Variants in MYCBP2 observed in about 807,000 individuals in gnomAD.
MYCBP2 encodes the protein E3 ubiquitin-protein ligase MYCBP2.
Under a neutral mutation model 525.3 loss-of-function variants are expected in MYCBP2, and 120 were observed. The ratio of observed to expected loss-of-function variants is 0.23; its 90% CI spans 0.20 to 0.27. MYCBP2 has a LOEUF of 0.27. Ranked by LOEUF, MYCBP2 falls within the 10% of genes least tolerant of loss-of-function variation. The pLI is 1.00. For missense variants in MYCBP2, 4,149 were observed against 5,657.1 expected, an observed-to-expected ratio of 0.73 and a Z score of 8.55; for synonymous variants, 1,894 against 1,955.8, an observed-to-expected ratio of 0.97 and a Z score of 0.83.
At chr13:77,082,425 G>A (rs896858248) in intron 63 of MYCBP2, among the ~76,000 whole-genome samples, 4 of 152,048 alleles carry the variant, frequency 2.6e-5, no homozygotes, top group Non-Finnish European at 4.4e-5. Context: ...TCTTCCACTG[G>A]TCTTATCATT....
chr13:77,271,687 G>A (rs1349368402), intron 5 of MYCBP2, among the ~76,000 whole-genome samples: 4 of 152,166 alleles, frequency 2.6e-5, no homozygotes, highest in Non-Finnish European at 4.4e-5. Flanking sequence ...TGCCATCCAC[G>A]TAAGACATGA....
chr13:77,162,540 C>CTAA (rs2058060033), intron 43 of MYCBP2, among the ~76,000 whole-genome samples: 1 of 152,200 alleles, frequency 6.6e-6, no homozygotes, highest in Admixed American at 6.5e-5. Flanking sequence ...TTCTAAACCT[C>CTAA]TAACCAGTGC....
chr13:77,145,057 C>A (rs2055305745), intron 48 of MYCBP2, among the ~76,000 whole-genome samples: 1 of 152,152 alleles, frequency 6.6e-6, no homozygotes, highest in Non-Finnish European at 1.5e-5. Context: ...ACTAACACCT[C>A]CCTTTGGTAT....
Position 77,098,858 on chromosome 13 carries a change from C to T in MYCBP2, c.8296G>A (p.Ala2766Thr), listed in dbSNP as rs762121991. 2 of 1,613,630 alleles carry T rather than the reference C, an allele frequency of 1.2e-6. No homozygotes were observed. The highest frequency in any genetic ancestry group is 1.7e-6 in the Non-Finnish European group (2 of 1,179,728). ...KKPRGTESLS[A>T]SESLILKSDA... ...GATTTTAAGATGAGGGATTCACTAG[C>T]AGATAAACTTTCTGTGCCCCTTGGC... Residue 2766 changes from alanine to threonine, a missense_variant, in exon 56 of 83, where the codon GCT becomes ACT. Physicochemically the swap from Ala to Thr is moderately conservative, Grantham distance 58 (BLOSUM62 0). Transcript: ENST00000544440.
intron 69 of MYCBP2, 58 bp downstream of exon 69, chr13:77,070,573 A>AC (rs2041025826): frequency 3.4e-5 from 37 of 1,079,608 alleles, no homozygotes; most frequent in South Asian, 4.4e-5. Flanking sequence ...CAAACAAACA[A>AC]ACACACACAC....
At chr13:77,159,532 G>A (rs764872037) in intron 44 of MYCBP2, among the ~76,000 whole-genome samples, 3 of 152,016 alleles carry the variant, frequency 2.0e-5, no homozygotes, top group African/African-American at 4.8e-5. Context: ...ATCTCAACTC[G>A]AATTATAAAT....
intron 18 of MYCBP2, among the ~76,000 whole-genome samples, chr13:77,230,733 C>T (rs979362612): frequency 2.0e-5 from 3 of 152,202 alleles, no homozygotes; most frequent in Non-Finnish European, 4.4e-5. Context: ...CTGTGATTGG[C>T]GTCACCATCA....
chr13:77,089,644 A>ACT (rs1206495349), intron 60 of MYCBP2, among the ~76,000 whole-genome samples: 18 of 144,910 alleles, frequency 1.2e-4, no homozygotes, highest in African/African-American at 3.8e-4. Context: ...AGATCATGTA[A>ACT]CTGTTTTTTT....
chr13:77,109,729 G>A (rs753711836), intron 55 of MYCBP2: 1 of 152,196 alleles, frequency 6.6e-6, no homozygotes, highest in Non-Finnish European at 1.5e-5. Flanking sequence ...CAGAGATCCT[G>A]AATGGAGGGA....
chr13:77,285,151 T>G (rs941229714), intron 3 of MYCBP2, among the ~76,000 whole-genome samples: 1 of 152,222 alleles, frequency 6.6e-6, no homozygotes, highest in Non-Finnish European at 1.5e-5. Flanking sequence ...TTAAACACCC[T>G]AGGAATCCAT....
chr13:77,076,691 A>G (rs1198488992), intron 68 of MYCBP2, 60 bp downstream of exon 68: 2 of 1,022,358 alleles, frequency 2.0e-6, no homozygotes, highest in Non-Finnish European at 2.9e-6. Flanking sequence ...TAAATGAATT[A>G]TTTCACTGAA....
chr13:77,139,425 G>C lies in MYCBP2; in HGVS notation c.7519-89C>G, dbSNP rs187704284. 2.9e-6 allele frequency: 4 copies of C among 1,398,524 alleles called. No individual in the cohort carries two copies. The African/African-American group carries it at 4.3e-5, about 15-fold the overall frequency. The allele number at this position is 1,398,524 out of a possible 1,614,324, so 86.6% of individuals were successfully genotyped here. ...CTGAAAGTCTGCAAAGCAGAAAAAT[G>C]ATGGTGCATGTGCAGATTAAGCATC... On this transcript the variant is annotated intron_variant, in intron 51 of 82. Coordinates refer to ENST00000544440, the MANE Select transcript of MYCBP2 (RefSeq NM_015057.5).
Position 77,158,037 on chromosome 13 carries a change from G to A in MYCBP2, c.6670C>T (p.Leu2224Phe). 1 of 1,613,542 alleles carries A rather than the reference G, an allele frequency of 6.2e-7. No homozygotes were observed. The highest frequency in any genetic ancestry group is 8.5e-7 in the Non-Finnish European group (1 of 1,179,666). Residue 2224 changes from leucine to phenylalanine, a missense_variant, in exon 45 of 83, where the codon CTT becomes TTT. By Grantham distance (22) the Leu-to-Phe change is conservative. Coordinates refer to ENST00000544440, the MANE Select transcript of MYCBP2 (RefSeq NM_015057.5). ...LSHSPTILEA[L>F]EGNLPLQIQS... is the part of the protein sequence containing the mutation. ...ATTTGGAGTGGTAAATTTCCCTCAAGTGCTTCTAATATAGTTGGTGAATGA... is the reference window on the plus strand; with the variant it reads ...ATTTGGAGTGGTAAATTTCCCTCAAATGCTTCTAATATAGTTGGTGAATGA...
intron 36 of MYCBP2, 27 bp from the exon 37 acceptor site, chr13:77,174,516 T>C: frequency 6.3e-7 from 1 of 1,589,062 alleles, no homozygotes; most frequent in Non-Finnish European, 8.6e-7. Context: ...TAAAACATCT[T>C]TTATTCACAA....
At chr13:77,049,816 A>G (rs2036379719) in intron 82 of MYCBP2, among the ~76,000 whole-genome samples, 1 of 152,090 alleles carries the variant, frequency 6.6e-6, no homozygotes. Context: ...TTGTACATTT[A>G]GTAGAGATGG....
chr13:77,161,902 A>C lies in MYCBP2; in HGVS notation c.6597+4T>G. On this transcript the variant is annotated splice_donor_region_variant and intron_variant, in intron 44 of 82. Coordinates refer to ENST00000544440, the MANE Select transcript of MYCBP2 (RefSeq NM_015057.5). ...GTTTATCCTTAAAACATTTGGGACAATACCTGCAATGCAGCCTCCTCAAGA... is the reference window on the plus strand; with the variant it reads ...GTTTATCCTTAAAACATTTGGGACACTACCTGCAATGCAGCCTCCTCAAGA... 6.2e-7 allele frequency: 1 copy of C among 1,604,678 alleles called. No homozygotes were observed. Among genetic ancestry groups the C allele is most frequent in the South Asian group, 1.1e-5 (1 of 89,494 alleles).
intron 54 of MYCBP2, 135 bp downstream of exon 54, chr13:77,125,201 T>G: frequency 9.0e-7 from 1 of 1,116,454 alleles, no homozygotes; most frequent in Non-Finnish European, 1.3e-6. Context: ...AGTTGCAAGA[T>G]TTTTTAACTT....
intron 20 of MYCBP2, among the ~76,000 whole-genome samples, chr13:77,224,095 C>A (rs1187849884): frequency 6.6e-6 from 1 of 152,154 alleles, no homozygotes; most frequent in Non-Finnish European, 1.5e-5. Context: ...TGTTTGAATC[C>A]ATTGCTGACA....
chr13:77,173,225 T>G (rs771479726), intron 37 of MYCBP2, among the ~76,000 whole-genome samples: 4 of 152,224 alleles, frequency 2.6e-5, no homozygotes, highest in Non-Finnish European at 4.4e-5. Context: ...TAAAGCTTAA[T>G]AGAAAACATG....
Sources: gnomAD v4.1 joint callset for allele counts (sites outside exome capture counted in the v4.1 genomes callset) on GRCh38, gnomAD v4.1.1 for gene constraint, MANE v1.5 for transcripts, NCBI Gene and HGNC (gene_info 2026-07-23, HGNC 2026-07-21) for gene names.